Variants in RIN3 observed in about 807,000 individuals in gnomAD.
The protein encoded by RIN3 is RAB5 interacting protein 3.
In RIN3, 54 loss-of-function variants were observed where a neutral mutation model predicts 76.3. The observed-to-expected ratio is 0.71, with a 90% confidence interval of 0.57 to 0.89. RIN3 has a LOEUF of 0.89. Among genes scored for constraint, RIN3 ranks in the 40% least tolerant of loss-of-function variants. The pLI, the probability that RIN3 is intolerant of heterozygous loss-of-function variation, is 0.00. For synonymous variants in RIN3, 576 were observed against 564.0 expected (o/e 1.02, Z -0.30); for missense variants, 1,256 against 1,322.1 (o/e 0.95, Z 0.78).
chr14:92,526,792 A>C (rs987039635), intron 1 of RIN3, among the ~76,000 whole-genome samples: 2 of 152,126 alleles, frequency 1.3e-5, no homozygotes, highest in Non-Finnish European at 2.9e-5. Flanking sequence ...GTGTCCTGGG[A>C]CTACCATAAC....
intron 2 of RIN3, among the ~76,000 whole-genome samples, chr14:92,559,621 C>A (rs532488305): frequency 3.3e-5 from 5 of 152,114 alleles, no homozygotes; most frequent in Non-Finnish European, 7.4e-5. Context: ...GGCAGGGCAG[C>A]GAGTTACCTG....
Position 92,659,312 on chromosome 14 carries a change from C to A in RIN3, c.2178C>A (p.Asp726Glu). 1 of 1,613,260 alleles carries A rather than the reference C, an allele frequency of 6.2e-7. No individual in the cohort carries two copies. Among genetic ancestry groups the A allele is most frequent in the South Asian group, 1.1e-5 (1 of 90,976 alleles). The change falls in exon 7 of 10, where the codon GAC (aspartate) becomes GAA (glutamate). Residue 726 changes from aspartate to glutamate, a missense_variant. By Grantham distance (45) the Asp-to-Glu change is conservative (BLOSUM62 2). This residue lies in a region of RIN3 where 428 missense variants were observed against 521.2 expected (regional missense o/e 0.82). Coordinates refer to ENST00000216487, the MANE Select transcript of RIN3 (RefSeq NM_024832.5). ...TGATCCTGGCCACCACCACCACTGA[C>A]CTAGGTGTGACCACCAGCGTGCCGG... Reference protein sequence around the residue: ...QLVILATTTTDLGVTTSVPEV... With the variant: ...QLVILATTTTELGVTTSVPEV...
At chr14:92,594,260 C>G (rs1885080727) in intron 3 of RIN3, among the ~76,000 whole-genome samples, 1 of 151,922 alleles carries the variant, frequency 6.6e-6, no homozygotes, top group Non-Finnish European at 1.5e-5. Context: ...TGGAGAAACC[C>G]CATCTCTACT....
chr14:92,657,079 C>T (rs1460408006), intron 6 of RIN3, among the ~76,000 whole-genome samples: 4 of 152,132 alleles, frequency 2.6e-5, no homozygotes, highest in Non-Finnish European at 4.4e-5. Context: ...CCAGACAGGG[C>T]GGGGTGTGGT....
chr14:92,542,243 A>G (rs545015266), intron 1 of RIN3, among the ~76,000 whole-genome samples: 1 of 152,330 alleles, frequency 6.6e-6, no homozygotes, highest in South Asian at 2.1e-4. Flanking sequence ...AGCCATGATC[A>G]CACCACTGCA....
At chr14:92,609,808 C>T (rs1885657049) in intron 3 of RIN3, among the ~76,000 whole-genome samples, 1 of 150,748 alleles carries the variant, frequency 6.6e-6, no homozygotes, top group South Asian at 2.1e-4. Context: ...TATAAAAAAT[C>T]GCAGGAAAAC....
At position 92,514,427 on chromosome 14, in the gene RIN3, CG is replaced by C. The variant is rs1324945082; in HGVS notation, c.44+452del. 6.6e-6 allele frequency among the ~76,000 whole-genome samples: 1 copy of C among 152,244 alleles called. No homozygotes were observed. The highest frequency in any genetic ancestry group is 1.5e-5 in the Non-Finnish European group (1 of 68,044). On this transcript the variant is annotated intron_variant, in intron 1 of 9. Transcript: ENST00000216487. This position sits in a 1 kb window ranked among gnomAD's most constrained non-coding sequence, Gnocchi z 7.2. ...CGCGCGCCCTCGGGTACTAGAGCCC[CG>C]CTGGGCGTGGGGTCGGAGACCCGGA... is the stretch of plus-strand genomic sequence containing the variant.
intron 4 of RIN3, among the ~76,000 whole-genome samples, chr14:92,629,536 G>T (rs959643537): frequency 1.7e-4 from 26 of 152,218 alleles, no homozygotes; most frequent in African/African-American, 6.3e-4. Context: ...TCATTTACTT[G>T]GCCTGCGCCC....
At chr14:92,566,133 C>T (rs1366799884) in intron 2 of RIN3, among the ~76,000 whole-genome samples, 2 of 152,198 alleles carry the variant, frequency 1.3e-5, no homozygotes, top group African/African-American at 2.4e-5. Context: ...ATGGTAGCTT[C>T]AGCCATAAGG....
At chr14:92,618,376 C>T (rs1035047702) in intron 4 of RIN3, among the ~76,000 whole-genome samples, 6 of 152,132 alleles carry the variant, frequency 3.9e-5, no homozygotes, top group Non-Finnish European at 7.3e-5. Flanking sequence ...CCCTGGTTAG[C>T]CTTACCCCAA....
In RIN3 at chr14:92,653,078, C is replaced by A; in HGVS notation, c.2026+3C>A. On this transcript the variant is annotated splice_donor_region_variant and intron_variant, in intron 6 of 9. Transcript: ENST00000216487. ...CCTGCACTCCGAGGAGGAGCTCGGT[C>A]AGTGCCCTGGGAGGAGGTGGCAGGG... The A allele has an allele frequency of 2.5e-6, 4 of 1,597,100 alleles. No individual in the cohort carries two copies. In the South Asian group the frequency reaches 3.3e-5, roughly 13 times the overall value.
chr14:92,651,902 C>CCCCCCA lies in RIN3; in HGVS notation c.854_855insCCCCAC (p.Pro285_Val286insProThr). The CCCCCCA allele has an allele frequency of 6.3e-7, 1 of 1,587,674 alleles. No homozygotes were observed. Among genetic ancestry groups the CCCCCCA allele is most frequent in the Non-Finnish European group, 8.6e-7 (1 of 1,167,508 alleles). On this transcript the variant is annotated inframe_insertion, in exon 6 of 10. Transcript: ENST00000216487. Reference sequence around the variant, plus strand: ...CCCACGCCGCCCACCACCCCCTCCCCCAGTGCTGCCCCTGCAGCCCTGCAG... The same window carrying CCCCCCA: ...CCCACGCCGCCCACCACCCCCTCCCCCCCCCACAGTGCTGCCCCTGCAGCCCTGCAG...
Position 92,648,906 on chromosome 14 carries a change from G to A in RIN3, c.533-2676G>A, listed in dbSNP as rs913363449. On this transcript the variant is annotated intron_variant, in intron 5 of 9. Coordinates refer to ENST00000216487, the MANE Select transcript of RIN3 (RefSeq NM_024832.5). The surrounding 1 kb of genome is among the most constrained non-coding windows in gnomAD (Gnocchi z 4.1). ...AGTAAGCATTTGCCAGGTGGAGAGG[G>A]TGGGAAAAGGATTCCACACTGAGGG... Among the ~76,000 whole-genome samples, 1 of 152,210 alleles carries A rather than the reference G, an allele frequency of 6.6e-6. No homozygotes were observed.
intron 4 of RIN3, among the ~76,000 whole-genome samples, chr14:92,628,806 AAAG>A (rs1414450717): frequency 6.6e-6 from 1 of 152,182 alleles, no homozygotes; most frequent in Non-Finnish European, 1.5e-5. Context: ...TTTTTAAAAA[AAAG>A]AATCCCTTCC....
intron 1 of RIN3, among the ~76,000 whole-genome samples, chr14:92,535,750 C>T (rs1896984744): frequency 6.8e-6 from 1 of 146,176 alleles, no homozygotes; most frequent in African/African-American, 2.5e-5. Flanking sequence ...CCTTGGCTCA[C>T]TGCAACCTCC....
chr14:92,580,988 A>C (rs6575267), intron 3 of RIN3, among the ~76,000 whole-genome samples: 96,287 of 152,080 alleles, frequency 0.63, 31,279 homozygotes, highest in Non-Finnish European at 0.7. Flanking sequence ...ATTTATATAG[A>C]AAACTTGATT....
chr14:92,548,420 C>T (rs1461431244), intron 1 of RIN3, among the ~76,000 whole-genome samples: 3 of 152,126 alleles, frequency 2.0e-5, no homozygotes, highest in Admixed American at 1.3e-4. Flanking sequence ...TAGGTATATT[C>T]GGTTCCTAGG....
chr14:92,557,509 T>C (rs771119527), intron 2 of RIN3, among the ~76,000 whole-genome samples: 1 of 152,266 alleles, frequency 6.6e-6, no homozygotes, highest in East Asian at 1.9e-4. Context: ...AGGGCTCAGA[T>C]GGCGAATGGA....
At chr14:92,531,179 G>A (rs1896870645) in intron 1 of RIN3, among the ~76,000 whole-genome samples, 1 of 152,170 alleles carries the variant, frequency 6.6e-6, no homozygotes, top group Non-Finnish European at 1.5e-5. Flanking sequence ...TCTGGAGGCT[G>A]GGAAGTCCAA....
Sources: gnomAD v4.1 joint callset for allele counts (sites outside exome capture counted in the v4.1 genomes callset) on GRCh38, gnomAD v4.1.1 for gene constraint, gnomAD v4.1.1 regional missense constraint, Gnocchi (gnomAD v3.1) non-coding constraint, MANE v1.5 for transcripts, NCBI Gene and HGNC (gene_info 2026-07-23, HGNC 2026-07-21) for gene names.